CPNE4: variants seen among roughly 807,000 people sequenced by gnomAD.
CPNE4 encodes the protein copine 4.
Under a neutral mutation model 67.9 loss-of-function variants are expected in CPNE4, and 25 were observed. That is an observed-to-expected ratio of 0.37 (90% CI 0.27 to 0.51). The LOEUF is 0.51. Among genes scored for constraint, CPNE4 ranks in the 20% least tolerant of loss-of-function variants. The pLI, the probability that CPNE4 is intolerant of heterozygous loss-of-function variation, is 0.93. For synonymous variants in CPNE4, 242 were observed against 244.9 expected (o/e 0.99, Z 0.11); for missense variants, 464 against 690.8 (o/e 0.67, Z 3.68).
chr3:131,836,581 C>A (rs907114176), intron 2 of CPNE4, among the ~76,000 whole-genome samples: 3 of 152,112 alleles, frequency 2.0e-5, no homozygotes, highest in Admixed American at 1.3e-4. Flanking sequence ...CACTTCTTTT[C>A]AAGATAGCAC....
At chr3:131,798,442 T>C (rs747896322) in intron 2 of CPNE4, among the ~76,000 whole-genome samples, 1 of 152,152 alleles carries the variant, frequency 6.6e-6, no homozygotes, top group Non-Finnish European at 1.5e-5. Context: ...CCCTTAAGTA[T>C]ATCACACCAT....
intron 7 of CPNE4, among the ~76,000 whole-genome samples, chr3:131,619,532 A>G (rs1940349607): frequency 6.6e-6 from 1 of 152,206 alleles, no homozygotes; most frequent in African/African-American, 2.4e-5. Context: ...GATTCCATTC[A>G]ACTCTCCAAC....
chr3:132,034,977 G>T lies in CPNE4; in HGVS notation c.-412C>A. The T allele has an allele frequency of 1.0e-6, 1 of 985,556 alleles. No individual in the cohort carries two copies. 61.1% of individuals were successfully genotyped at this position (985,556 alleles called of 1,614,324 possible). On this transcript the variant is annotated 5_prime_UTR_variant, in exon 1 of 16. Coordinates refer to ENST00000429747, the MANE Select transcript of CPNE4 (RefSeq NM_130808.3). ...GAAGGGGACGAGCGGGTGGCGGGGA[G>T]ATGGCAGCTTCTCACAGAGAGATTT...
intron 7 of CPNE4, among the ~76,000 whole-genome samples, chr3:131,635,718 G>A (rs958020256): frequency 2.8e-4 from 42 of 152,202 alleles, no homozygotes; most frequent in African/African-American, 8.7e-4. Flanking sequence ...CCAAACAGGG[G>A]AGAGGGATGA....
At chr3:131,891,259 A>G (rs2088102298) in intron 2 of CPNE4, among the ~76,000 whole-genome samples, 1 of 152,090 alleles carries the variant, frequency 6.6e-6, no homozygotes, top group Admixed American at 6.6e-5. Flanking sequence ...TTTTTTTTAT[A>G]ACAATTACAC....
At chr3:131,722,443 AC>A (rs11402444) in intron 3 of CPNE4, among the ~76,000 whole-genome samples, 1 of 148,682 alleles carries the variant, frequency 6.7e-6, no homozygotes, top group East Asian at 2.0e-4. Flanking sequence ...CCCACCCCAT[AC>A]CCCCCCACGT....
intron 2 of CPNE4, among the ~76,000 whole-genome samples, chr3:131,738,051 T>C (rs12171295): frequency 0.21 from 32,555 of 152,156 alleles, 4,290 homozygotes; most frequent in Non-Finnish European, 0.28. Flanking sequence ...TCCATCCTAA[T>C]GCATAGAGTC....
intron 1 of CPNE4, among the ~76,000 whole-genome samples, chr3:131,913,604 T>C (rs2089069579): frequency 6.6e-6 from 1 of 152,202 alleles, no homozygotes; most frequent in South Asian, 2.1e-4. Flanking sequence ...TGCTTGGCCC[T>C]CTACCAAGTA....
intron 1 of CPNE4, among the ~76,000 whole-genome samples, chr3:132,022,189 G>C (rs2074013216): frequency 6.6e-6 from 1 of 152,194 alleles, no homozygotes; most frequent in Non-Finnish European, 1.5e-5. Context: ...CCCTGGGCAG[G>C]GGTAGGTAAG....
chr3:131,649,469 T>C (rs2079752303), intron 7 of CPNE4, among the ~76,000 whole-genome samples: 1 of 152,192 alleles, frequency 6.6e-6, no homozygotes, highest in Admixed American at 6.5e-5. Flanking sequence ...TAGTTTTATG[T>C]TGTGGCACAC....
At chr3:131,939,886 C>T (rs560558966) in intron 1 of CPNE4, among the ~76,000 whole-genome samples, 2 of 152,114 alleles carry the variant, frequency 1.3e-5, no homozygotes, top group Admixed American at 6.6e-5. Flanking sequence ...ATCCTAAGCA[C>T]GTTCAGGTAG....
chr3:131,618,653 G>C (rs748828520), intron 7 of CPNE4, among the ~76,000 whole-genome samples: 1 of 152,104 alleles, frequency 6.6e-6, no homozygotes, highest in Non-Finnish European at 1.5e-5. Context: ...CCAGAAACCT[G>C]TTCCATTACC....
intron 2 of CPNE4, among the ~76,000 whole-genome samples, chr3:131,786,531 G>A (rs1448072300): frequency 6.6e-6 from 1 of 152,134 alleles, no homozygotes; most frequent in Non-Finnish European, 1.5e-5. Context: ...ATAACTCCAT[G>A]AGATAAACAC....
intron 2 of CPNE4, among the ~76,000 whole-genome samples, chr3:131,773,748 A>AT (rs1407670537): frequency 1.3e-5 from 2 of 152,118 alleles, no homozygotes; most frequent in Non-Finnish European, 2.9e-5. Context: ...TGTATCATCT[A>AT]TTTTTTAAAA....
At chr3:131,959,421 G>A (rs1340192714) in intron 1 of CPNE4, among the ~76,000 whole-genome samples, 1 of 152,172 alleles carries the variant, frequency 6.6e-6, no homozygotes, top group Non-Finnish European at 1.5e-5. Context: ...CAAGTAAAGT[G>A]TGTAGAGTAC....
intron 9 of CPNE4, among the ~76,000 whole-genome samples, chr3:131,576,736 T>C (rs1295363422): frequency 2.6e-5 from 4 of 151,838 alleles, no homozygotes; most frequent in Non-Finnish European, 5.9e-5. Context: ...TTTTTTTTCA[T>C]AGGCAGGAGT....
chr3:131,908,675 A>C (rs1297778442), intron 1 of CPNE4, among the ~76,000 whole-genome samples: 1 of 152,120 alleles, frequency 6.6e-6, no homozygotes, highest in Non-Finnish European at 1.5e-5. Context: ...TTTTACATAC[A>C]TATTGTACAT....
intron 2 of CPNE4, among the ~76,000 whole-genome samples, chr3:131,754,107 A>C (rs2082695598): frequency 6.6e-6 from 1 of 152,120 alleles, no homozygotes; most frequent in African/African-American, 2.4e-5. Flanking sequence ...AGCCATTTGA[A>C]AGAGTGAATA....
At chr3:131,837,349 T>C (rs767999775) in intron 2 of CPNE4, among the ~76,000 whole-genome samples, 56 of 152,076 alleles carry the variant, frequency 3.7e-4, no homozygotes, top group Non-Finnish European at 6.3e-4. Flanking sequence ...TCATGAGATA[T>C]TACACAGCAA....
Sources: allele counts gnomAD v4.1 joint callset (sites outside exome capture counted in the v4.1 genomes callset), GRCh38; gene constraint gnomAD v4.1.1; transcripts MANE v1.5; gene names NCBI Gene and HGNC (gene_info 2026-07-23, HGNC 2026-07-21).